The following TBL1Y variants were observed in gnomAD, a reference collection of about 807,000 sequenced individuals.
The protein encoded by TBL1Y is F-box-like/WD repeat-containing protein TBL1Y.
Under a neutral mutation model 12.0 loss-of-function variants are expected in TBL1Y, and 15 were observed. That is an observed-to-expected ratio of 1.25 (90% CI 0.83 to 1.92). The LOEUF (loss-of-function observed/expected upper bound fraction) is 1.92, where lower values mean the gene tolerates loss of function less well. Among genes scored for constraint, TBL1Y ranks in the 40% most tolerant of loss-of-function variants. The pLI is 0.00. For missense variants in TBL1Y, 148 were observed against 116.7 expected (o/e 1.27, Z -1.24); for synonymous variants, 53 against 42.6 (o/e 1.24, Z -0.95).
At chrY:7,090,058 A>G (rs760772763) in intron 17 of TBL1Y, 31 bp from the exon 18 acceptor site, 2 of 358,645 alleles carry the variant, frequency 5.6e-6, no homozygotes, top group Non-Finnish European at 4.0e-6. Flanking sequence ...CCTTCTCACT[A>G]TAAGTAATAG....
chrY:6,966,055 G>A, intron 2 of TBL1Y, among the ~76,000 whole-genome samples: 2 of 32,925 alleles, frequency 6.1e-5, no homozygotes, highest in African/African-American at 2.4e-4. Flanking sequence ...TTTATGGACA[G>A]ACACTTTGCA....
chrY:7,008,117 T>A (rs2124143942), intron 4 of TBL1Y, among the ~76,000 whole-genome samples: 3 of 33,796 alleles, frequency 8.9e-5, no homozygotes, highest in African/African-American at 3.5e-4. Flanking sequence ...GAGAGAAAGA[T>A]GACTCACACT....
chrY:7,090,139 G>A lies in TBL1Y; in HGVS notation c.1497G>A (p.Val499=), dbSNP rs367858279. The change falls in exon 18 of 19, where the codon GTG becomes GTA. Residue 499 remains valine (V), a synonymous_variant. Coordinates refer to ENST00000383032, the MANE Select transcript of TBL1Y (RefSeq NM_033284.2). The part of the protein sequence containing the change: ...SYQGTGGIFE[V]CWNARGDKVG... ...AAGGCACTGGCGGTATCTTCGAGGT[G>A]TGCTGGAACGCCCGAGGAGATAAAG... is the stretch of plus-strand genomic sequence containing the variant. The A allele has an allele frequency of 2.5e-6, 1 of 396,608 alleles. No homozygotes were observed. Among genetic ancestry groups the A allele is most frequent in the African/African-American group, 6.4e-5 (1 of 15,744 alleles).
chrY:6,915,536 G>A, intron 2 of TBL1Y, among the ~76,000 whole-genome samples: 1 of 33,545 alleles, frequency 3.0e-5, no homozygotes, highest in Admixed American at 2.7e-4. Flanking sequence ...TCTTTAGAGA[G>A]GTGAATTCCC....
chrY:7,029,339 C>T (rs751214759), intron 6 of TBL1Y, among the ~76,000 whole-genome samples: 2 of 33,346 alleles, frequency 6.0e-5, no homozygotes, highest in East Asian at 1.6e-3. Context: ...GTGCTGCGAC[C>T]GTGACTTACT....
intron 2 of TBL1Y, among the ~76,000 whole-genome samples, chrY:6,955,951 G>A: frequency 3.0e-5 from 1 of 33,837 alleles, no homozygotes; most frequent in Non-Finnish European, 7.3e-5. Context: ...GTTACAAAAT[G>A]AAGCTTTAAC....
At position 6,938,072 on chromosome Y, in the gene TBL1Y, G is replaced by C. The variant is rs2011917156; in HGVS notation, c.-266+25900G>C. Among the ~76,000 whole-genome samples, 4 of 33,436 alleles carry C rather than the reference G, an allele frequency of 1.2e-4. No homozygotes were observed. In the South Asian group the frequency reaches 2.1e-3, roughly 17 times the overall value. 89.7% of individuals were successfully genotyped at this position (33,436 alleles called of 37,273 possible). ...GACCCACAAACATAATCATAAGGTT[G>C]TTTACTTTTTTTGAATTTATCAACC... On this transcript the variant is annotated intron_variant, in intron 2 of 18. Transcript: ENST00000383032.
chrY:7,040,377 C>G lies in TBL1Y; in HGVS notation c.59-2603C>G, dbSNP rs777741183. On this transcript the variant is annotated intron_variant, in intron 6 of 18. Transcript: ENST00000383032. ...TTGAATGTGAATACCGTTGTCCACACAGTCTAGAAATGAAACTTGCATTGG... is the reference window on the plus strand; with the variant it reads ...TTGAATGTGAATACCGTTGTCCACAGAGTCTAGAAATGAAACTTGCATTGG... 1.4e-4 allele frequency among the ~76,000 whole-genome samples: 5 copies of G among 34,648 alleles called. No homozygotes were observed. In the East Asian group the frequency reaches 3.8e-3, roughly 27 times the overall value. The allele number at this position is 34,648 out of a possible 37,273, so 93.0% of individuals were successfully genotyped here. A position where few individuals can be genotyped will look rare whatever the true frequency, so the allele number is the denominator to read the frequency against.
chrY:6,993,196 T>TCTTTCTTC (rs2012383160), intron 3 of TBL1Y, among the ~76,000 whole-genome samples: 1 of 10,505 alleles, frequency 9.5e-5, no homozygotes, highest in Non-Finnish European at 1.9e-4. Context: ...TCCTTTTCTT[T>TCTTTCTTC]CTTTCTTTCT....
At chrY:6,980,025 A>G in intron 3 of TBL1Y, among the ~76,000 whole-genome samples, 2 of 33,288 alleles carry the variant, frequency 6.0e-5, no homozygotes, top group African/African-American at 2.4e-4. Flanking sequence ...ATAGCACTAC[A>G]GGGATGATTT....
At chrY:7,010,889 A>G in intron 4 of TBL1Y, among the ~76,000 whole-genome samples, 1 of 32,186 alleles carries the variant, frequency 3.1e-5, no homozygotes, top group African/African-American at 1.2e-4. Context: ...AGATTGCGCC[A>G]CTTCACACTC....
At chrY:6,972,966 TCTGGCCACCCATGCCTG>T (rs2012216476) in intron 2 of TBL1Y, among the ~76,000 whole-genome samples, 1 of 32,777 alleles carries the variant, frequency 3.1e-5, no homozygotes. Flanking sequence ...GTGTTGGGAT[TCTGGCCACCCATGCCTG>T]CTGGTCACCC....
At chrY:7,052,921 G>C (rs776932323) in intron 7 of TBL1Y, among the ~76,000 whole-genome samples, 1 of 34,155 alleles carries the variant, frequency 2.9e-5, no homozygotes, top group South Asian at 6.5e-4. Flanking sequence ...AATAAATTTT[G>C]CTTCTAAGAG....
chrY:7,034,402 GC>G (rs2012675044), intron 6 of TBL1Y, among the ~76,000 whole-genome samples: 3 of 33,347 alleles, frequency 9.0e-5, no homozygotes, highest in Admixed American at 2.7e-4. Context: ...TGGCTATAAT[GC>G]CCAAAGTAAT....
At chrY:7,070,972 C>G in intron 10 of TBL1Y, 111 bp downstream of exon 10, 1 of 273,861 alleles carries the variant, frequency 3.7e-6, no homozygotes, top group Non-Finnish European at 5.2e-6. Flanking sequence ...GTCCCATGTA[C>G]TCAGGCCCAA....
chrY:7,039,374 T>G, intron 6 of TBL1Y, among the ~76,000 whole-genome samples: 1 of 33,293 alleles, frequency 3.0e-5, no homozygotes, highest in Admixed American at 2.7e-4. Flanking sequence ...TGCCAGAGAT[T>G]TGCTTTCTGA....
intron 13 of TBL1Y, among the ~76,000 whole-genome samples, chrY:7,080,073 T>G (rs2013086036): frequency 2.3e-4 from 5 of 21,913 alleles, no homozygotes; most frequent in African/African-American, 1.1e-3. Flanking sequence ...TTTTTTTTTT[T>G]TTTTTTTTTG....
rs903876839 is a variant in TBL1Y, at chrY:6,967,791, C to T, written c.-265-10422C>T. 8.8e-5 allele frequency among the ~76,000 whole-genome samples: 3 copies of T among 34,086 alleles called. No homozygotes were observed. In the East Asian group the frequency reaches 2.4e-3, roughly 27 times the overall value. The allele number at this position is 34,086 out of a possible 37,273, so 91.4% of individuals were successfully genotyped here. A position where few individuals can be genotyped will look rare whatever the true frequency, so the allele number is the denominator to read the frequency against. ...CCATGAGCCTCACTCCTTCTGCTCT[C>T]TCTCCAGCAATTGGAAAGGGAATCT... On this transcript the variant is annotated intron_variant, in intron 2 of 18. Coordinates refer to ENST00000383032, the MANE Select transcript of TBL1Y (RefSeq NM_033284.2).
chrY:7,061,220 T>C, intron 7 of TBL1Y, among the ~76,000 whole-genome samples: 1 of 29,749 alleles, frequency 3.4e-5, no homozygotes, highest in Non-Finnish European at 8.0e-5. Flanking sequence ...CCGCTACAGA[T>C]TGAATGCATT....
Sources: allele counts gnomAD v4.1 joint callset (sites outside exome capture counted in the v4.1 genomes callset), GRCh38; gene constraint gnomAD v4.1.1; transcripts MANE v1.5; gene names NCBI Gene and HGNC (gene_info 2026-07-23, HGNC 2026-07-21).